The following GLRA3 variants were observed in gnomAD, a reference collection of about 807,000 sequenced individuals.
GLRA3 encodes the protein glycine receptor subunit alpha-3.
In GLRA3, 44 loss-of-function variants were observed where a neutral mutation model predicts 60.4. The ratio of observed to expected loss-of-function variants is 0.73; its 90% CI spans 0.57 to 0.94. The LOEUF (loss-of-function observed/expected upper bound fraction) is 0.94, where lower values mean the gene tolerates loss of function less well. Ranked by LOEUF, GLRA3 falls within the 40% of genes least tolerant of loss-of-function variation. The pLI is 0.00. For missense variants in GLRA3, 508 were observed against 564.6 expected (o/e 0.90, Z 1.02); for synonymous variants, 223 against 192.9 (o/e 1.16, Z -1.29).
chr4:174,679,191 C>T (rs1489161460), intron 6 of GLRA3, among the ~76,000 whole-genome samples: 1 of 151,954 alleles, frequency 6.6e-6, no homozygotes, highest in African/African-American at 2.4e-5. Flanking sequence ...ATTAGCCAGT[C>T]GTGGTGGTGG....
At chr4:174,683,766 GAGTTGCATGT>G (rs1468123318) in intron 5 of GLRA3, among the ~76,000 whole-genome samples, 6 of 152,274 alleles carry the variant, frequency 3.9e-5, no homozygotes, top group Admixed American at 2.0e-4. Context: ...AATCTCTCCA[GAGTTGCATGT>G]AGATAGCATT....
chr4:174,763,793 A>T (rs1367850467), intron 3 of GLRA3, among the ~76,000 whole-genome samples: 1 of 152,192 alleles, frequency 6.6e-6, no homozygotes, highest in Non-Finnish European at 1.5e-5. Context: ...AACAGTAATG[A>T]TGGTAAACTA....
chr4:174,732,775 CTCTA>C (rs1736603968), intron 3 of GLRA3, among the ~76,000 whole-genome samples: 1 of 147,794 alleles, frequency 6.8e-6, no homozygotes, highest in Admixed American at 6.8e-5. Flanking sequence ...CTCTCTCTCT[CTCTA>C]TATATATATA....
At chr4:174,735,165 A>T (rs1408841553) in intron 3 of GLRA3, among the ~76,000 whole-genome samples, 1 of 138,872 alleles carries the variant, frequency 7.2e-6, no homozygotes, top group African/African-American at 2.8e-5. Flanking sequence ...ACTAATTTTC[A>T]GCCTTAAAAA....
At chr4:174,748,690 A>G (rs1737342223) in intron 3 of GLRA3, among the ~76,000 whole-genome samples, 1 of 152,114 alleles carries the variant, frequency 6.6e-6, no homozygotes. Context: ...GCAGGTTGCT[A>G]AAAGGTTTCT....
chr4:174,790,703 G>A (rs570764389), intron 1 of GLRA3, among the ~76,000 whole-genome samples: 4 of 151,606 alleles, frequency 2.6e-5, no homozygotes, highest in African/African-American at 9.7e-5. Flanking sequence ...GACGATGGCC[G>A]GGTGCGGTGG....
chr4:174,662,499 C>T (rs1462844957), intron 7 of GLRA3, among the ~76,000 whole-genome samples: 2 of 152,116 alleles, frequency 1.3e-5, no homozygotes, highest in Non-Finnish European at 1.5e-5. Context: ...TAAGAACTTG[C>T]CTGTCTTTGT....
chr4:174,644,781 A>C (rs1170550837), intron 9 of GLRA3, among the ~76,000 whole-genome samples: 1 of 152,174 alleles, frequency 6.6e-6, no homozygotes, highest in Non-Finnish European at 1.5e-5. Flanking sequence ...GTTCTTCTAA[A>C]AAGTATCATT....
At chr4:174,713,457 G>A (rs1561072155) in intron 5 of GLRA3, 2 of 152,042 alleles carry the variant, frequency 1.3e-5, no homozygotes, top group South Asian at 2.1e-4. Flanking sequence ...TGGAATAAAC[G>A]ATTTCACTTG....
Position 174,658,301 on chromosome 4 carries a change from G to A in GLRA3, c.1071+753C>T, listed in dbSNP as rs112040878. 2.6e-3 allele frequency among the ~76,000 whole-genome samples: 391 copies of A among 152,182 alleles called. 4 individuals are homozygous for A. Among genetic ancestry groups the A allele is most frequent in the African/African-American group, 8.8e-3 (366 of 41,520 alleles). On this transcript the variant is annotated intron_variant, in intron 8 of 9. Transcript: ENST00000274093. ...ATTAGAAGTAAATGCGTGGATCTGC[G>A]GTTGATAGAGGCTCTCTCTTATAGA...
At chr4:174,698,744 G>T (rs575505326) in intron 5 of GLRA3, among the ~76,000 whole-genome samples, 12 of 152,044 alleles carry the variant, frequency 7.9e-5, no homozygotes, top group Non-Finnish European at 1.5e-4. Flanking sequence ...TATTTTGTGT[G>T]CAACTTCTCC....
At chr4:174,713,879 A>C (rs1206580883) in intron 5 of GLRA3, 1 of 152,188 alleles carries the variant, frequency 6.6e-6, no homozygotes, top group Non-Finnish European at 1.5e-5. Flanking sequence ...TTTAGACCTA[A>C]ATTTCCCAGA....
intron 5 of GLRA3, among the ~76,000 whole-genome samples, chr4:174,708,392 C>A (rs903593348): frequency 6.6e-6 from 1 of 151,772 alleles, no homozygotes; most frequent in Non-Finnish European, 1.5e-5. Context: ...AAAGTGTATT[C>A]TATCTTTATA....
chr4:174,660,089 C>T (rs1448023631), intron 7 of GLRA3, among the ~76,000 whole-genome samples: 1 of 151,730 alleles, frequency 6.6e-6, no homozygotes, highest in Non-Finnish European at 1.5e-5. Flanking sequence ...TATATTCCCT[C>T]AAACTATTTG....
chr4:174,760,977 A>C (rs1448505587), intron 3 of GLRA3, among the ~76,000 whole-genome samples: 1 of 152,178 alleles, frequency 6.6e-6, no homozygotes, highest in Non-Finnish European at 1.5e-5. Context: ...ACATGTGTAT[A>C]CTTCAATATG....
chr4:174,786,313 C>G (rs2111296727), intron 2 of GLRA3, among the ~76,000 whole-genome samples: 1 of 152,128 alleles, frequency 6.6e-6, no homozygotes, highest in Admixed American at 6.5e-5. Flanking sequence ...TGAACTACCA[C>G]AGAGAAAAAA....
rs199637541 is a variant in GLRA3 at position 174,688,159 on chromosome 4, C to T, written c.575-5220G>A. Reference sequence around the variant, plus strand: ...AAATTTCAAAGTTTTCAGTCTAAGTCACTGACAAGTAGCTATGCAACAATA... The same window carrying T: ...AAATTTCAAAGTTTTCAGTCTAAGTTACTGACAAGTAGCTATGCAACAATA... On this transcript the variant is annotated intron_variant, in intron 5 of 9. Coordinates refer to ENST00000274093, the MANE Select transcript of GLRA3 (RefSeq NM_006529.4). Among the ~76,000 whole-genome samples, 185 of 151,514 alleles carry T rather than the reference C, an allele frequency of 1.2e-3. 5 individuals carry two copies. The East Asian group carries it at 0.021, about 17-fold the overall frequency.
intron 9 of GLRA3, among the ~76,000 whole-genome samples, chr4:174,655,696 G>A (rs907276298): frequency 3.3e-5 from 5 of 151,950 alleles, no homozygotes; most frequent in African/African-American, 1.2e-4. Context: ...TTACAGTTAA[G>A]ATAATCAAAT....
intron 3 of GLRA3, among the ~76,000 whole-genome samples, chr4:174,744,949 A>G (rs927475956): frequency 6.6e-6 from 1 of 152,212 alleles, no homozygotes; most frequent in Non-Finnish European, 1.5e-5. Context: ...CAAAAGGGAT[A>G]GCTATCTTAG....
Sources: allele counts gnomAD v4.1 joint callset (sites outside exome capture counted in the v4.1 genomes callset), GRCh38; gene constraint gnomAD v4.1.1; transcripts MANE v1.5; gene names NCBI Gene and HGNC (gene_info 2026-07-23, HGNC 2026-07-21).